FANK1: variants seen among roughly 807,000 people sequenced by gnomAD.
FANK1 encodes the protein fibronectin type III and ankyrin repeat domains 1.
Under a neutral mutation model 45.3 loss-of-function variants are expected in FANK1, and 44 were observed. The ratio of observed to expected loss-of-function variants is 0.97; its 90% CI spans 0.76 to 1.25. The LOEUF (loss-of-function observed/expected upper bound fraction) is 1.25, where lower values mean the gene tolerates loss of function less well. FANK1 is among the 50% of genes most tolerant of loss of function. The pLI is 0.00. For missense variants in FANK1, 391 were observed against 424.4 expected (o/e 0.92, Z 0.69); for synonymous variants, 149 against 152.5 (o/e 0.98, Z 0.17).
chr10:125,994,147 G>A (rs1430240932), intron 3 of FANK1, among the ~76,000 whole-genome samples: 6 of 147,774 alleles, frequency 4.1e-5, no homozygotes, highest in African/African-American at 7.4e-5. Context: ...AGGAGGTGGC[G>A]TAGGGTGCAG....
intron 1 of FANK1, among the ~76,000 whole-genome samples, chr10:125,905,171 C>G (rs1439158636): frequency 6.6e-6 from 1 of 152,126 alleles, no homozygotes; most frequent in African/African-American, 2.4e-5. Flanking sequence ...GTTTCTGTAG[C>G]CTGTAGTCCC....
intron 3 of FANK1, among the ~76,000 whole-genome samples, chr10:125,993,650 A>G (rs1005232349): frequency 2.0e-5 from 3 of 152,310 alleles, no homozygotes; most frequent in African/African-American, 7.2e-5. Context: ...CCTTCTAGTG[A>G]AACCACTGAG....
chr10:125,959,080 G>A (rs1414165513), intron 1 of FANK1, among the ~76,000 whole-genome samples: 3 of 151,926 alleles, frequency 2.0e-5, no homozygotes, highest in East Asian at 1.9e-4. Context: ...AATGTTCTTC[G>A]AGTCATATTT....
chr10:125,989,812 G>C (rs114206696), intron 3 of FANK1, among the ~76,000 whole-genome samples: 1 of 152,344 alleles, frequency 6.6e-6, no homozygotes, highest in African/African-American at 2.4e-5. Context: ...GTGTGCTGAA[G>C]GAAGGCAGAG....
intron 6 of FANK1, among the ~76,000 whole-genome samples, chr10:125,999,708 C>T (rs904584277): frequency 5.3e-5 from 8 of 152,076 alleles, no homozygotes; most frequent in African/African-American, 1.4e-4. Context: ...CTAACCTCTC[C>T]GTATCTCAGT....
intron 6 of FANK1, among the ~76,000 whole-genome samples, chr10:125,999,713 C>T (rs1005490301): frequency 1.3e-5 from 2 of 152,132 alleles, no homozygotes; most frequent in Admixed American, 6.5e-5. Flanking sequence ...CTCTCCGTAT[C>T]TCAGTTTCAT....
chr10:125,986,286 C>T (rs1405562537), intron 2 of FANK1, among the ~76,000 whole-genome samples: 2 of 152,146 alleles, frequency 1.3e-5, no homozygotes, highest in Non-Finnish European at 2.9e-5. Flanking sequence ...CTTGGCTCTG[C>T]TGGTGCTACA....
intron 3 of FANK1, chr10:125,995,080 C>A (rs912679799): frequency 1.8e-5 from 7 of 381,948 alleles, no homozygotes; most frequent in Non-Finnish European, 2.5e-5. Context: ...CATATTGTGA[C>A]AATTGCTGAG....
intron 1 of FANK1, among the ~76,000 whole-genome samples, chr10:125,953,440 A>T (rs543906952): frequency 6.6e-6 from 1 of 152,162 alleles, no homozygotes; most frequent in African/African-American, 2.4e-5. Context: ...GGTGTGGGTG[A>T]TGCTTCAGAC....
chr10:125,958,505 T>G (rs951720733), intron 1 of FANK1, among the ~76,000 whole-genome samples: 3 of 152,190 alleles, frequency 2.0e-5, no homozygotes, highest in African/African-American at 7.2e-5. Context: ...CCTAAGGTGC[T>G]GGGATTACAG....
At chr10:125,958,006 C>A (rs185400965) in intron 1 of FANK1, among the ~76,000 whole-genome samples, 59 of 152,016 alleles carry the variant, frequency 3.9e-4, no homozygotes, top group Admixed American at 6.5e-4. Context: ...GTACAGTGAT[C>A]GCATCAGGGT....
At chr10:125,988,323 T>C (rs1337768188) in intron 2 of FANK1, among the ~76,000 whole-genome samples, 2 of 152,206 alleles carry the variant, frequency 1.3e-5, no homozygotes, top group Non-Finnish European at 2.9e-5. Flanking sequence ...GCTGGCTATG[T>C]GTCAGGCCCT....
At chr10:125,989,305 A>G (rs1951772734) in intron 3 of FANK1, 1 of 1,550,654 alleles carries the variant, frequency 6.4e-7, no homozygotes, top group African/African-American at 1.4e-5. Context: ...AGAGCCTTGT[A>G]AAAATTAGGA....
At chr10:125,947,912 A>C (rs550429058) in intron 1 of FANK1, among the ~76,000 whole-genome samples, 3 of 145,118 alleles carry the variant, frequency 2.1e-5, no homozygotes, top group East Asian at 4.1e-4. Context: ...ATAACAAACT[A>C]TCTCTCAGAC....
chr10:125,971,708 G>A (rs1564927442), intron 1 of FANK1, among the ~76,000 whole-genome samples: 2 of 152,002 alleles, frequency 1.3e-5, no homozygotes, highest in Admixed American at 1.3e-4. Flanking sequence ...TGCAAACTCC[G>A]CCTCCTGGGT....
chr10:125,968,562 T>G (rs1950309510), intron 1 of FANK1, among the ~76,000 whole-genome samples: 1 of 152,216 alleles, frequency 6.6e-6, no homozygotes, highest in Non-Finnish European at 1.5e-5. Flanking sequence ...ATTTCCCACT[T>G]TTCATGATAC....
chr10:125,927,412 G>C (rs887411506), intron 1 of FANK1, among the ~76,000 whole-genome samples: 2 of 152,140 alleles, frequency 1.3e-5, no homozygotes, highest in African/African-American at 4.8e-5. Context: ...TTCTATCCAT[G>C]GTGTTGCACA....
chr10:125,938,770 C>T (rs1380259692), intron 1 of FANK1, among the ~76,000 whole-genome samples: 1 of 152,122 alleles, frequency 6.6e-6, no homozygotes, highest in Non-Finnish European at 1.5e-5. Context: ...GATTGCACCA[C>T]TGCACTCCAG....
intron 1 of FANK1, among the ~76,000 whole-genome samples, chr10:125,912,226 G>A (rs1270010856): frequency 2.0e-5 from 3 of 152,164 alleles, no homozygotes; most frequent in African/African-American, 4.8e-5. Flanking sequence ...ACTCCTCATC[G>A]ATTATTTGCA....
Sources: allele counts gnomAD v4.1 joint callset (sites outside exome capture counted in the v4.1 genomes callset), GRCh38; gene constraint gnomAD v4.1.1; transcripts MANE v1.5; gene names NCBI Gene and HGNC (gene_info 2026-07-23, HGNC 2026-07-21).